Variants in HHAT observed in about 807,000 individuals in gnomAD.
HHAT encodes hedgehog acyltransferase.
A neutral mutation model predicts 70.8 loss-of-function variants in HHAT; 47 were observed. That is an observed-to-expected ratio of 0.66 (90% CI 0.53 to 0.85). The LOEUF is 0.85. Among genes scored for constraint, HHAT ranks in the 40% least tolerant of loss-of-function variants. The probability of loss-of-function intolerance (pLI) is 0.00; values close to 1 mark genes in which losing one functional copy is unlikely to be tolerated. For missense variants in HHAT, 609 were observed against 604.8 expected (o/e 1.01, Z -0.07); for synonymous variants, 228 against 247.6 (o/e 0.92, Z 0.74).
Position 210,591,389 on chromosome 1 carries a change from T to C in HHAT, c.1245+3290T>C, listed in dbSNP as rs185949228. On this transcript the variant is annotated intron_variant, in intron 10 of 11. Coordinates refer to ENST00000261458, the MANE Select transcript of HHAT (RefSeq NM_018194.6). ...TTGCAAAAGATAGGCCCTCATCCTT[T>C]TTTATGGCTGAATAATACTCCATTG... 2.6e-4 allele frequency among the ~76,000 whole-genome samples: 40 copies of C among 152,296 alleles called. 2 individuals carry two copies. Among genetic ancestry groups the C allele is most frequent in the Admixed American group, 1.2e-3 (19 of 15,294 alleles).
At chr1:210,445,123 C>T (rs1425835911) in intron 7 of HHAT, among the ~76,000 whole-genome samples, 1 of 152,190 alleles carries the variant, frequency 6.6e-6, no homozygotes, top group Non-Finnish European at 1.5e-5. Flanking sequence ...CAGGCATGAG[C>T]TACTGTGCCC....
intron 11 of HHAT, among the ~76,000 whole-genome samples, chr1:210,670,580 T>A (rs571920628): frequency 2.0e-5 from 3 of 152,250 alleles, no homozygotes; most frequent in African/African-American, 7.2e-5. Context: ...ACCTGGTACC[T>A]CAGCATGTGA....
rs71146233 is a variant in HHAT at position 210,569,373 on chromosome 1, C to CAAAAAAAAAAAAAAAAAAAAAAAAAAA, written c.1044-18499_1044-18498insAAAAAAAAAAAAAAAAAAAAAAAAAAA. ...CGGGCGACAGAGCCAGAGTCTGCCTCAAAAAAAAAAAAAAAAAAAAAAAAA... is the reference window on the plus strand; with the variant it reads ...CGGGCGACAGAGCCAGAGTCTGCCTCAAAAAAAAAAAAAAAAAAAAAAAAAAAAAAAAAAAAAAAAAAAAAAAAAAAA... On this transcript the variant is annotated intron_variant, in intron 9 of 11. Coordinates refer to ENST00000261458, the MANE Select transcript of HHAT (RefSeq NM_018194.6). 4.6e-4 allele frequency among the ~76,000 whole-genome samples: 13 copies of CAAAAAAAAAAAAAAAAAAAAAAAAAAA among 28,344 alleles called. 4 individuals are homozygous for CAAAAAAAAAAAAAAAAAAAAAAAAAAA. The highest frequency in any genetic ancestry group is 6.3e-4 in the Non-Finnish European group (10 of 15,916). 18.6% of individuals were successfully genotyped at this position (28,344 alleles called of 152,430 possible). A position where few individuals can be genotyped will look rare whatever the true frequency, so the allele number is the denominator to read the frequency against.
chr1:210,531,689 A>G (rs2095316319), intron 9 of HHAT, among the ~76,000 whole-genome samples: 1 of 152,194 alleles, frequency 6.6e-6, no homozygotes, highest in Non-Finnish European at 1.5e-5. Flanking sequence ...CCACAATACC[A>G]TCTGTTTCAA....
At chr1:210,663,070 T>C (rs1318954652) in intron 11 of HHAT, among the ~76,000 whole-genome samples, 1 of 152,094 alleles carries the variant, frequency 6.6e-6, no homozygotes, top group Non-Finnish European at 1.5e-5. Context: ...ATTGTGGCTT[T>C]AACAGTTTTA....
intron 10 of HHAT, among the ~76,000 whole-genome samples, chr1:210,617,651 G>A (rs1354657132): frequency 6.6e-6 from 1 of 152,190 alleles, no homozygotes; most frequent in Non-Finnish European, 1.5e-5. Context: ...TGTACTGCAT[G>A]GATTTAAATG....
chr1:210,673,773 ATTTAT>A lies in HHAT; in HGVS notation c.1391-512_1391-508del, dbSNP rs1558407407. Among the ~76,000 whole-genome samples the A allele has an allele frequency of 5.9e-3, 602 of 101,916 alleles. 7 individuals carry two copies. The highest frequency in any genetic ancestry group is 0.018 in the Middle Eastern group (4 of 224). The allele number at this position is 101,916 out of a possible 152,430, so 66.9% of individuals were successfully genotyped here. On this transcript the variant is annotated intron_variant, in intron 11 of 11. Coordinates refer to ENST00000261458, the MANE Select transcript of HHAT (RefSeq NM_018194.6). ...TGCCTGGCTTATTTATTATTTATTT[ATTTAT>A]TTATTTATTTATTTATTTATTTATT...
chr1:210,429,667 G>A (rs2093184443), intron 7 of HHAT, among the ~76,000 whole-genome samples: 1 of 151,598 alleles, frequency 6.6e-6, no homozygotes, highest in Non-Finnish European at 1.5e-5. Context: ...TGCGTATAAT[G>A]TCAGGTGGTC....
intron 10 of HHAT, among the ~76,000 whole-genome samples, chr1:210,595,627 G>A (rs1239765918): frequency 1.3e-5 from 2 of 152,148 alleles, no homozygotes; most frequent in Non-Finnish European, 2.9e-5. Flanking sequence ...TCCACCACCT[G>A]TTGTTTCCTG....
chr1:210,593,302 T>G (rs1473463465), intron 10 of HHAT, among the ~76,000 whole-genome samples: 1 of 152,188 alleles, frequency 6.6e-6, no homozygotes, highest in Non-Finnish European at 1.5e-5. Flanking sequence ...ACCTTTCTGA[T>G]GTAGGTGCCT....
chr1:210,629,381 C>T (rs1670431742), intron 11 of HHAT, among the ~76,000 whole-genome samples: 1 of 152,220 alleles, frequency 6.6e-6, no homozygotes, highest in Non-Finnish European at 1.5e-5. Flanking sequence ...CCAGGAAGGG[C>T]TTTCAACCAG....
intron 3 of HHAT, among the ~76,000 whole-genome samples, chr1:210,363,378 C>A (rs12141780): frequency 1.3e-5 from 2 of 152,210 alleles, no homozygotes; most frequent in Admixed American, 6.5e-5. Flanking sequence ...GTGGCTGGCT[C>A]GCTTGTCTTC....
At chr1:210,629,866 A>G (rs546643539) in intron 11 of HHAT, among the ~76,000 whole-genome samples, 158 of 134,744 alleles carry the variant, frequency 1.2e-3, no homozygotes, top group Non-Finnish European at 2.3e-3. Flanking sequence ...TTTTTTTTTG[A>G]GACGGAGTCT....
At chr1:210,633,889 G>A (rs560390603) in intron 11 of HHAT, among the ~76,000 whole-genome samples, 11 of 152,272 alleles carry the variant, frequency 7.2e-5, no homozygotes, top group Middle Eastern at 3.4e-3. Flanking sequence ...CTATTGTAGC[G>A]TGCCAGCTGC....
intron 10 of HHAT, chr1:210,589,347 T>C (rs939423645): frequency 7.2e-5 from 11 of 152,184 alleles, no homozygotes; most frequent in Non-Finnish European, 4.4e-5. Context: ...TGTATAAAGA[T>C]AAATATTTTT....
At chr1:210,464,133 A>G (rs1004343694) in intron 7 of HHAT, among the ~76,000 whole-genome samples, 22 of 152,058 alleles carry the variant, frequency 1.4e-4, no homozygotes, top group African/African-American at 5.3e-4. Context: ...GTCAAATACT[A>G]GAACTTATTC....
intron 6 of HHAT, among the ~76,000 whole-genome samples, chr1:210,415,702 A>T (rs1222528569): frequency 3.3e-5 from 5 of 151,988 alleles, no homozygotes; most frequent in African/African-American, 1.2e-4. Flanking sequence ...TCTGTCACCC[A>T]GGGTGGAGCG....
chr1:210,445,580 T>C (rs2093619114), intron 7 of HHAT, among the ~76,000 whole-genome samples: 1 of 152,240 alleles, frequency 6.6e-6, no homozygotes, highest in Non-Finnish European at 1.5e-5. Flanking sequence ...CATAACCCTT[T>C]TAAAATTCAC....
chr1:210,675,640 T>C lies in HHAT; in HGVS notation c.*1261T>C, dbSNP rs1167372516. On this transcript the variant is annotated 3_prime_UTR_variant, in exon 12 of 12. Transcript: ENST00000261458. ...CCTGTTTATTACATAGCATGGCCCTTATGTCTTGAGTTGAGGTTATCATCT... is the reference window on the plus strand; with the variant it reads ...CCTGTTTATTACATAGCATGGCCCTCATGTCTTGAGTTGAGGTTATCATCT... 1 of 152,220 alleles carries C rather than the reference T, an allele frequency of 6.6e-6. No homozygotes were observed. The highest frequency in any genetic ancestry group is 1.5e-5 in the Non-Finnish European group (1 of 68,050). 9.4% of individuals were successfully genotyped at this position (152,220 alleles called of 1,614,324 possible).
Sources: allele counts gnomAD v4.1 joint callset (sites outside exome capture counted in the v4.1 genomes callset), GRCh38; gene constraint gnomAD v4.1.1; transcripts MANE v1.5; gene names NCBI Gene and HGNC (gene_info 2026-07-23, HGNC 2026-07-21).